Variants in LAP3 observed in about 807,000 individuals in gnomAD.
LAP3 encodes cytosol aminopeptidase.
In LAP3, 46 loss-of-function variants were observed where a neutral mutation model predicts 58.8. The observed-to-expected ratio is 0.78, with a 90% confidence interval of 0.62 to 1.00. The LOEUF is 1.00. Ranked by LOEUF, LAP3 falls within the 50% of genes least tolerant of loss-of-function variation. The probability of loss-of-function intolerance (pLI) is 0.00; values close to 1 mark genes in which losing one functional copy is unlikely to be tolerated. For missense variants in LAP3, 615 were observed against 659.1 expected, an observed-to-expected ratio of 0.93 and a Z score of 0.73; for synonymous variants, 257 against 237.7, an observed-to-expected ratio of 1.08 and a Z score of -0.75.
chr4:17,606,985 GCCAA>G, intron 12 of LAP3, 47 bp downstream of exon 12: 1 of 1,243,812 alleles, frequency 8.0e-7, no homozygotes, highest in Non-Finnish European at 1.2e-6. Context: ...ATCCTTGATT[GCCAA>G]AATAGCTATT....
chr4:17,607,470 G>C lies in LAP3; in HGVS notation c.1441G>C (p.Asp481His). The change falls in exon 13 of 13, where the codon GAC becomes CAC. Residue 481 changes from aspartate (D) to histidine (H), a missense_variant. Physicochemically the swap from Asp to His is moderately conservative, Grantham distance 81. Transcript: ENST00000226299. ...AACTCATCCTAAGTGGGCACATTTA[G>C]ACATAGCAGGCGTGATGACCAACAA... ...FVTHPKWAHL[D>H]IAGVMTNKDE... 6.2e-7 allele frequency: 1 copy of C among 1,614,128 alleles called. No homozygotes were observed. Among genetic ancestry groups the C allele is most frequent in the Non-Finnish European group, 8.5e-7 (1 of 1,180,024 alleles).
chr4:17,605,085 C>T (rs1031780395), intron 11 of LAP3, among the ~76,000 whole-genome samples: 5 of 151,450 alleles, frequency 3.3e-5, no homozygotes, highest in African/African-American at 1.2e-4. Flanking sequence ...ATGCCCTTCA[C>T]AGCCAGCCTC....
chr4:17,577,210 G>GGGCGCACACGAATGCA lies in LAP3; in HGVS notation c.-241_-240insAGGCGCACACGAATGC. 1 of 333,784 alleles carries GGGCGCACACGAATGCA rather than the reference G, an allele frequency of 3.0e-6. No homozygotes were observed. The highest frequency in any genetic ancestry group is 5.4e-6 in the Non-Finnish European group (1 of 185,206). The allele number at this position is 333,784 out of a possible 1,614,324, so 20.7% of individuals were successfully genotyped here. On this transcript the variant is annotated 5_prime_UTR_variant, in exon 1 of 13. The change creates a new upstream start codon in the 5' untranslated region. Coordinates refer to ENST00000226299, the MANE Select transcript of LAP3 (RefSeq NM_015907.3). ...CGCATGCGCGGGCGCACACGAATGC[G>GGGCGCACACGAATGCA]GGCGCACACGAATGCGGGCGCACAC... is the stretch of plus-strand genomic sequence containing the variant.
rs758646724 is a variant in LAP3, at chr4:17,583,592, T to C, written c.489T>C (p.Asp163=). The C allele has an allele frequency of 2.5e-6, 4 of 1,614,010 alleles. No homozygotes were observed. In the African/African-American group the frequency reaches 5.3e-5, roughly 22 times the overall value. Residue 163 remains aspartate (D), a synonymous_variant, in exon 5 of 13, where the codon GAT becomes GAC. Coordinates refer to ENST00000226299, the MANE Select transcript of LAP3 (RefSeq NM_015907.3). ...EGAVLGLYEY[D]DLKQKKKMAV... ...CGGTGCTTGGTCTCTATGAATACGATGACCTAAAGCAAAAAAAGAAGATGG... is the reference window on the plus strand; with the variant it reads ...CGGTGCTTGGTCTCTATGAATACGACGACCTAAAGCAAAAAAAGAAGATGG...
intron 7 of LAP3, among the ~76,000 whole-genome samples, chr4:17,594,609 G>A (rs1185872344): frequency 6.6e-6 from 1 of 152,182 alleles, no homozygotes; most frequent in Non-Finnish European, 1.5e-5. Context: ...GAAGCCTCTG[G>A]GGGTCAGGTA....
intron 7 of LAP3, among the ~76,000 whole-genome samples, chr4:17,591,265 C>T (rs1713684799): frequency 6.6e-6 from 1 of 151,684 alleles, no homozygotes; most frequent in Non-Finnish European, 1.5e-5. Context: ...TTTTTAGTCC[C>T]GAGTAGCTGG....
intron 7 of LAP3, among the ~76,000 whole-genome samples, chr4:17,594,129 G>A (rs960082464): frequency 6.6e-6 from 1 of 152,158 alleles, no homozygotes; most frequent in African/African-American, 2.4e-5. Context: ...GTGGATTTGA[G>A]AGAGATTGAA....
Position 17,588,928 on chromosome 4 carries a change from G to A in LAP3, c.814G>A (p.Ala272Thr), listed in dbSNP as rs777044750. The change falls in exon 7 of 13, where the codon GCA becomes ACA. Residue 272 changes from alanine to threonine, a missense_variant. Physicochemically the swap from Ala to Thr is moderately conservative, Grantham distance 58. Coordinates refer to ENST00000226299, the MANE Select transcript of LAP3 (RefSeq NM_015907.3). ...AATTCACTACAAAGGCAGCCCCAAT[G>A]CAAACGAACCACCCCTGGTGTTTGT... ...LEIHYKGSPN[A>T]NEPPLVFVGK... 2.5e-6 allele frequency: 4 copies of A among 1,613,990 alleles called. No individual in the cohort carries two copies. In the Admixed American group the frequency reaches 6.7e-5, roughly 27 times the overall value.
chr4:17,593,011 C>G (rs1577222577), intron 7 of LAP3, among the ~76,000 whole-genome samples: 3 of 152,288 alleles, frequency 2.0e-5, no homozygotes, highest in South Asian at 4.1e-4. Context: ...GTTGGCCAGG[C>G]TGGTCTCAAA....
chr4:17,597,789 G>A (rs1201159715), intron 9 of LAP3, among the ~76,000 whole-genome samples: 1 of 152,156 alleles, frequency 6.6e-6, no homozygotes, highest in Non-Finnish European at 1.5e-5. Context: ...TCCATTGTAG[G>A]TGTTGAGGTA....
At chr4:17,597,241 G>T in intron 9 of LAP3, 107 bp downstream of exon 9, 1 of 907,934 alleles carries the variant, frequency 1.1e-6, no homozygotes, top group Non-Finnish European at 1.8e-6. Context: ...AACCATATTA[G>T]GGGAGGGTGC....
chr4:17,589,013 G>T, intron 7 of LAP3, 36 bp downstream of exon 7: 5 of 1,591,034 alleles, frequency 3.1e-6, no homozygotes, highest in Non-Finnish European at 4.3e-6. Context: ...GTATTTTGGT[G>T]AATTATTTGT....
Position 17,597,174 on chromosome 4 carries a change from C to A in LAP3, c.1077+40C>A. The stretch of plus-strand genomic sequence containing the variant: ...GACACAGCACTCCCCATCCAGCGTT[C>A]CTCAGGAATCCCGTGGTGGCCACAT... On this transcript the variant is annotated intron_variant, in intron 9 of 12. Transcript: ENST00000226299. 3.9e-6 allele frequency: 6 copies of A among 1,535,364 alleles called. No individual in the cohort carries two copies. The Admixed American group carries it at 8.3e-5, about 21-fold the overall frequency.
chr4:17,595,185 C>G (rs892090538), intron 7 of LAP3, among the ~76,000 whole-genome samples: 3 of 150,480 alleles, frequency 2.0e-5, no homozygotes, highest in African/African-American at 7.3e-5. Flanking sequence ...ACTACAGGCG[C>G]CCACCACCAC....
chr4:17,580,962 T>C (rs1452145579), intron 2 of LAP3, among the ~76,000 whole-genome samples: 1 of 152,232 alleles, frequency 6.6e-6, no homozygotes, highest in Non-Finnish European at 1.5e-5. Context: ...TTGTATCTCC[T>C]CTCAATTTTT....
intron 7 of LAP3, among the ~76,000 whole-genome samples, chr4:17,589,787 C>T (rs1437005106): frequency 6.6e-6 from 1 of 152,190 alleles, no homozygotes; most frequent in Non-Finnish European, 1.5e-5. Flanking sequence ...TTCTGCCATG[C>T]ACTTTGCTTG....
chr4:17,580,178 A>G (rs756760297), intron 2 of LAP3, among the ~76,000 whole-genome samples: 7 of 64,550 alleles, frequency 1.1e-4, no homozygotes, highest in African/African-American at 4.4e-4. Flanking sequence ...ATATATATAT[A>G]TATGTATTTT....
At chr4:17,589,161 A>C (rs146831823) in intron 7 of LAP3, among the ~76,000 whole-genome samples, 184 bp downstream of exon 7, 2,343 of 151,836 alleles carry the variant, frequency 0.015, 69 homozygotes, top group African/African-American at 0.054. Context: ...CCCAGGCTCA[A>C]GCAATCCTTG....
rs1457183204 is a variant in LAP3 at position 17,582,338 on chromosome 4, C to T, written c.324C>T (p.Ile108=). The T allele has an allele frequency of 1.9e-6, 3 of 1,614,066 alleles. No homozygotes were observed. The highest frequency in any genetic ancestry group is 1.3e-5 in the African/African-American group (1 of 75,046). Residue 108 remains isoleucine (I), a synonymous_variant, in exon 4 of 13, where the codon ATC becomes ATT. Coordinates refer to ENST00000226299, the MANE Select transcript of LAP3 (RefSeq NM_015907.3). ...GCCTCGGCAAAAAGGCAGCTGGAATCGACGAACAGGAAAACTGGCATGAAG... is the reference window on the plus strand; with the variant it reads ...GCCTCGGCAAAAAGGCAGCTGGAATTGACGAACAGGAAAACTGGCATGAAG... ...LVGLGKKAAG[I]DEQENWHEGK...
Sources: gnomAD v4.1 joint callset for allele counts (sites outside exome capture counted in the v4.1 genomes callset) on GRCh38, gnomAD v4.1.1 for gene constraint, MANE v1.5 for transcripts, NCBI Gene and HGNC (gene_info 2026-07-23, HGNC 2026-07-21) for gene names.